GOLGA1: variants seen among roughly 807,000 people sequenced by gnomAD.
GOLGA1 encodes golgin subfamily A member 1.
Under a neutral mutation model 119.7 loss-of-function variants are expected in GOLGA1, and 63 were observed. That is an observed-to-expected ratio of 0.53 (90% CI 0.43 to 0.65). The LOEUF is 0.65. Ranked by LOEUF, GOLGA1 falls within the 30% of genes least tolerant of loss-of-function variation. The pLI is 0.00. For missense variants in GOLGA1, 798 were observed against 912.8 expected, an observed-to-expected ratio of 0.87 and a Z score of 1.62; for synonymous variants, 318 against 333.4, an observed-to-expected ratio of 0.95 and a Z score of 0.50.
At chr9:124,921,620 G>T (rs113214515) in intron 9 of GOLGA1, 103 bp downstream of exon 9, 2 of 922,510 alleles carry the variant, frequency 2.2e-6, no homozygotes, top group African/African-American at 1.7e-5. Context: ...TGCCAGCACC[G>T]GAATCAGAAA....
In GOLGA1 at chr9:124,889,316, G is replaced by A. The variant is rs1466477267; in HGVS notation, c.1601-13C>T. ...GCAGAGTTGTGACCTAGGTCGGGGA[G>A]GAGGGGAGGGGGCACTGTGAGCCCA... On this transcript the variant is annotated splice_polypyrimidine_tract_variant and intron_variant, in intron 17 of 22. Transcript: ENST00000373555. The A allele has an allele frequency of 2.5e-6, 4 of 1,612,190 alleles. No individual in the cohort carries two copies. The highest frequency in any genetic ancestry group is 3.4e-6 in the Non-Finnish European group (4 of 1,178,726).
In GOLGA1 at chr9:124,898,764, GGAA is replaced by G. The variant is rs1459108240; in HGVS notation, c.1312-123_1312-121del. 8 of 645,678 alleles carry G rather than the reference GGAA, an allele frequency of 1.2e-5. No individual in the cohort carries two copies. In the Admixed American group the frequency reaches 2.0e-4, roughly 16 times the overall value. 40.0% of individuals were successfully genotyped at this position (645,678 alleles called of 1,614,324 possible). On this transcript the variant is annotated intron_variant, in intron 14 of 22. Transcript: ENST00000373555. ...ACAATATACATTTTAAAAGCCAATG[GGAA>G]GAAGCAGAGGGGACTGGTCAGAAAG...
At chr9:124,898,951 T>A (rs1830038834) in intron 14 of GOLGA1, among the ~76,000 whole-genome samples, 1 of 152,084 alleles carries the variant, frequency 6.6e-6, no homozygotes, top group African/African-American at 2.4e-5. Flanking sequence ...ATTCCAGCAC[T>A]TTGGGAGGCT....
chr9:124,939,400 T>C (rs1830949265), intron 2 of GOLGA1, among the ~76,000 whole-genome samples: 1 of 152,128 alleles, frequency 6.6e-6, no homozygotes, highest in African/African-American at 2.4e-5. Context: ...TGCAATCAAC[T>C]GTCCAATAGG....
intron 3 of GOLGA1, among the ~76,000 whole-genome samples, chr9:124,935,065 A>T (rs1360138776): frequency 6.6e-6 from 1 of 152,112 alleles, no homozygotes; most frequent in East Asian, 1.9e-4. Context: ...AAAAAAGGTC[A>T]CTTTGGGGAC....
chr9:124,935,086 GA>G (rs1254272170), intron 3 of GOLGA1, among the ~76,000 whole-genome samples: 1 of 152,142 alleles, frequency 6.6e-6, no homozygotes, highest in Non-Finnish European at 1.5e-5. Context: ...AGGGAACCCA[GA>G]TAGACTACAA....
At position 124,929,301 on chromosome 9, in the gene GOLGA1, G is replaced by A. The variant is rs368182250; in HGVS notation, c.227-11C>T. On this transcript the variant is annotated splice_polypyrimidine_tract_variant and intron_variant, in intron 4 of 22. Coordinates refer to ENST00000373555, the MANE Select transcript of GOLGA1 (RefSeq NM_002077.4). ...CCTGTTCAGCATAGTCTTGGGTGAG[G>A]AGGGTGACGCACATACCAGAAATGG... 31 of 1,574,248 alleles carry A rather than the reference G, an allele frequency of 2.0e-5. No individual in the cohort carries two copies. Among genetic ancestry groups the A allele is most frequent in the Non-Finnish European group, 2.4e-5 (28 of 1,143,838 alleles).
chr9:124,921,043 A>C, intron 10 of GOLGA1, 86 bp downstream of exon 10: 1 of 813,092 alleles, frequency 1.2e-6, no homozygotes, highest in Non-Finnish European at 2.2e-6. Flanking sequence ...ATGTATGTTC[A>C]GTAGCTACTC....
At chr9:124,943,727 G>C (rs1245807442), upstream of GOLGA1, 1 of 152,110 alleles carries the variant, frequency 6.6e-6, no homozygotes, top group Non-Finnish European at 1.5e-5. Context: ...AAGGGAAAAA[G>C]ATCAAACATA....
chr9:124,901,792 G>A (rs545411041), intron 12 of GOLGA1, among the ~76,000 whole-genome samples: 6 of 152,272 alleles, frequency 3.9e-5, no homozygotes, highest in Non-Finnish European at 8.8e-5. Flanking sequence ...AGGACACACA[G>A]TATTTTTTTA....
In GOLGA1 at chr9:124,888,190, A is replaced by C; in HGVS notation, c.1905+63T>G. On this transcript the variant is annotated intron_variant, in intron 19 of 22. Coordinates refer to ENST00000373555, the MANE Select transcript of GOLGA1 (RefSeq NM_002077.4). The surrounding 1 kb of genome is among the most constrained non-coding windows in gnomAD (Gnocchi z 4.4). ...AAAACCTCCAAGGATGGACTGGGTC[A>C]TTTTAGGCCTGAGGGTGAGGACCTG... The C allele has an allele frequency of 6.6e-7, 1 of 1,508,736 alleles. No homozygotes were observed. The allele number at this position is 1,508,736 out of a possible 1,614,324, so 93.5% of individuals were successfully genotyped here. A position where few individuals can be genotyped will look rare whatever the true frequency, so the allele number is the denominator to read the frequency against.
chr9:124,921,609 T>C (rs1184408858), intron 9 of GOLGA1, 114 bp downstream of exon 9: 5 of 853,836 alleles, frequency 5.9e-6, no homozygotes, highest in East Asian at 2.4e-5. Flanking sequence ...CCAGAAGCCT[T>C]TGCCAGCACC....
At chr9:124,935,283 T>C (rs1830842483) in intron 3 of GOLGA1, among the ~76,000 whole-genome samples, 1 of 152,222 alleles carries the variant, frequency 6.6e-6, no homozygotes, top group Admixed American at 6.5e-5. Flanking sequence ...TTATGTTCCA[T>C]ATACGTTTTA....
Position 124,881,899 on chromosome 9 carries a change from A to G in GOLGA1, c.2021T>C (p.Met674Thr), listed in dbSNP as rs769477508. ...FEVREKPGPEMANMAPSVTNN... is the reference protein window; with the variant it reads ...FEVREKPGPETANMAPSVTNN... ...CGTGACGGAAGGCGCCATGTTTGCC[A>G]TCTCAGGTCCAGGTTTCTCCCGGAC... Residue 674 changes from methionine (M) to threonine (T), a missense_variant, in exon 21 of 23, where the codon ATG becomes ACG. Transcript: ENST00000373555. This position sits in a 1 kb window ranked among gnomAD's most constrained non-coding sequence, Gnocchi z 4.9. 4.1e-5 allele frequency: 66 copies of G among 1,612,308 alleles called. No homozygotes were observed. The Admixed American group carries it at 4.5e-4, about 11-fold the overall frequency.
Position 124,905,997 on chromosome 9 carries a change from C to G in GOLGA1, c.1065+2380G>C, listed in dbSNP as rs577984294. 7.9e-5 allele frequency among the ~76,000 whole-genome samples: 12 copies of G among 151,928 alleles called. No homozygotes were observed. In the South Asian group the frequency reaches 1.7e-3, roughly 21 times the overall value. The stretch of plus-strand genomic sequence containing the variant: ...GCGTGGTGGCACGTGCCTGTAATTC[C>G]AGCTACTCAGAAGGCTGACGCAGAA... On this transcript the variant is annotated intron_variant, in intron 12 of 22. Coordinates refer to ENST00000373555, the MANE Select transcript of GOLGA1 (RefSeq NM_002077.4).
At chr9:124,889,104 T>G (rs1241133939) in intron 18 of GOLGA1, 39 bp downstream of exon 18, 2 of 1,557,176 alleles carry the variant, frequency 1.3e-6, no homozygotes, top group Non-Finnish European at 1.8e-6. Context: ...CTGCCCTGCA[T>G]CTTGCTGTAG....
At chr9:124,918,698 G>A (rs1347873133) in intron 10 of GOLGA1, among the ~76,000 whole-genome samples, 1 of 152,046 alleles carries the variant, frequency 6.6e-6, no homozygotes, top group African/African-American at 2.4e-5. Context: ...GGAGGTTGCA[G>A]TGAGCCAAGA....
At chr9:124,898,308 A>G (rs1830021746) in intron 15 of GOLGA1, among the ~76,000 whole-genome samples, 1 of 152,192 alleles carries the variant, frequency 6.6e-6, no homozygotes, top group Non-Finnish European at 1.5e-5. Context: ...AACTTGCACA[A>G]ACGGTTTACC....
intron 15 of GOLGA1, among the ~76,000 whole-genome samples, chr9:124,891,234 G>C (rs1829848442): frequency 6.6e-6 from 1 of 152,226 alleles, no homozygotes. Flanking sequence ...GGGGTTGACA[G>C]TGCCTGCTCA....
Sources: allele counts gnomAD v4.1 joint callset (sites outside exome capture counted in the v4.1 genomes callset), GRCh38; gene constraint gnomAD v4.1.1; non-coding constraint Gnocchi (gnomAD v3.1); transcripts MANE v1.5; gene names NCBI Gene and HGNC (gene_info 2026-07-23, HGNC 2026-07-21).